The following SPATA16 variants were observed in gnomAD, a reference collection of about 807,000 sequenced individuals.
The protein encoded by SPATA16 is spermatogenesis associated 16.
SPATA16 carries 36 observed loss-of-function variants against 63.3 expected under a neutral mutation model. That is an observed-to-expected ratio of 0.57 (90% CI 0.44 to 0.75). The LOEUF (loss-of-function observed/expected upper bound fraction) is 0.75. SPATA16 is among the 30% of genes least tolerant of loss of function. The pLI is 0.00. For missense variants in SPATA16, 646 were observed against 679.3 expected (o/e 0.95, Z 0.54); for synonymous variants, 203 against 216.7 (o/e 0.94, Z 0.56).
chr3:172,991,293 C>T (rs1734571854), intron 4 of SPATA16, among the ~76,000 whole-genome samples: 1 of 152,158 alleles, frequency 6.6e-6, no homozygotes, highest in Admixed American at 6.6e-5. Flanking sequence ...ATGAAGAGAA[C>T]AATATATCCT....
At chr3:172,921,051 G>C (rs1442584538) in intron 8 of SPATA16, among the ~76,000 whole-genome samples, 1 of 144,884 alleles carries the variant, frequency 6.9e-6, no homozygotes, top group South Asian at 2.1e-4. Context: ...CACTTTTTTT[G>C]TTTTTGTCTT....
chr3:173,055,523 A>C (rs1417962257), intron 2 of SPATA16, among the ~76,000 whole-genome samples: 1 of 152,228 alleles, frequency 6.6e-6, no homozygotes, highest in East Asian at 1.9e-4. Flanking sequence ...ATCTGATCTC[A>C]AACTGTTACA....
At chr3:172,976,033 G>C (rs1380653312) in intron 5 of SPATA16, among the ~76,000 whole-genome samples, 2 of 151,998 alleles carry the variant, frequency 1.3e-5, no homozygotes, top group Admixed American at 1.3e-4. Flanking sequence ...CAAAAGGTTC[G>C]TATTCAATTA....
chr3:173,045,480 C>T (rs960563360), intron 3 of SPATA16, among the ~76,000 whole-genome samples: 10 of 152,000 alleles, frequency 6.6e-5, no homozygotes, highest in Non-Finnish European at 1.3e-4. Context: ...AACTGTGTCA[C>T]GGTTAGAATA....
At chr3:173,048,154 G>A (rs1735999060) in intron 3 of SPATA16, among the ~76,000 whole-genome samples, 1 of 152,006 alleles carries the variant, frequency 6.6e-6, no homozygotes, top group African/African-American at 2.4e-5. Flanking sequence ...AGAAGTACAG[G>A]ATGTGAGATG....
chr3:173,047,557 A>G (rs1735985296), intron 3 of SPATA16, among the ~76,000 whole-genome samples: 1 of 151,948 alleles, frequency 6.6e-6, no homozygotes, highest in Non-Finnish European at 1.5e-5. Flanking sequence ...TTACTTATTT[A>G]TGTTCTTTGC....
At chr3:173,030,938 G>A (rs1735590537) in intron 3 of SPATA16, among the ~76,000 whole-genome samples, 1 of 151,994 alleles carries the variant, frequency 6.6e-6, no homozygotes, top group African/African-American at 2.4e-5. Context: ...CAACATGAAT[G>A]CACTTCAGAC....
chr3:173,070,550 C>T (rs1736648862), intron 2 of SPATA16, among the ~76,000 whole-genome samples: 3 of 152,102 alleles, frequency 2.0e-5, no homozygotes, highest in Admixed American at 2.0e-4. Context: ...GTGATACAAT[C>T]TTACATTTAG....
At chr3:172,933,139 C>T (rs1732907191) in intron 6 of SPATA16, among the ~76,000 whole-genome samples, 1 of 152,160 alleles carries the variant, frequency 6.6e-6, no homozygotes, top group Non-Finnish European at 1.5e-5. Flanking sequence ...AGAGACAATA[C>T]AAACATTAAA....
intron 10 of SPATA16, among the ~76,000 whole-genome samples, chr3:172,908,569 A>G (rs1732293165): frequency 6.6e-6 from 1 of 152,254 alleles, no homozygotes; most frequent in African/African-American, 2.4e-5. Context: ...GTCAGCTTTC[A>G]TGAATCAGAT....
chr3:173,002,519 T>TCTAGCTG (rs1734848933), intron 4 of SPATA16, among the ~76,000 whole-genome samples: 1 of 152,178 alleles, frequency 6.6e-6, no homozygotes, highest in Non-Finnish European at 1.5e-5. Flanking sequence ...AGTAAGAAAG[T>TCTAGCTG]CTTCCTTGGG....
chr3:172,977,528 TAAA>T (rs1173724530), intron 4 of SPATA16, among the ~76,000 whole-genome samples: 1 of 152,056 alleles, frequency 6.6e-6, no homozygotes, highest in Non-Finnish European at 1.5e-5. Context: ...AAACAGAAAA[TAAA>T]AAAATCTCCA....
At position 172,925,358 on chromosome 3, in the gene SPATA16, G is replaced by A. The variant is rs780678594; in HGVS notation, c.1216C>T (p.Pro406Ser). 8.1e-6 allele frequency: 13 copies of A among 1,613,694 alleles called. No individual in the cohort carries two copies. The South Asian group carries it at 1.4e-4, about 18-fold the overall frequency. ...TCAGATGATTTACCTGTGAATATCG[G>A]CAGCTTCCTGCTTGATATTTTTTCC... The part of the protein sequence containing the change: ...FLEKISSRKL[P>S]IFTEHKTPFG... The change falls in exon 7 of 11, where the codon CCG becomes TCG. Residue 406 changes from proline (P) to serine (S), a missense_variant. Coordinates refer to ENST00000351008, the MANE Select transcript of SPATA16 (RefSeq NM_031955.6).
At chr3:172,984,510 G>A (rs1499623) in intron 4 of SPATA16, among the ~76,000 whole-genome samples, 5,811 of 152,240 alleles carry the variant, frequency 0.038, 383 homozygotes, top group African/African-American at 0.13. Flanking sequence ...AGGAGTTTCA[G>A]TAGTTGGTGG....
Position 173,117,154 on chromosome 3 carries a change from G to T in SPATA16, c.578C>A (p.Ala193Asp), listed in dbSNP as rs1385805624. ...ASSCYRQKKY[A>D]LAAGQFRTAL... ...TGTTCTGAACTGTCCTGCTGCCAAG[G>T]CGTATTTCTTTTGTCTATAGCAAGA... The change falls in exon 2 of 11, where the codon GCC becomes GAC. Residue 193 changes from alanine to aspartate, a missense_variant. Ala to Asp is a moderately radical substitution (Grantham distance 126, BLOSUM62 -2). Transcript: ENST00000351008. 1 of 1,614,026 alleles carries T rather than the reference G, an allele frequency of 6.2e-7. No homozygotes were observed. Among genetic ancestry groups the T allele is most frequent in the Admixed American group, 1.7e-5 (1 of 60,014 alleles).
intron 6 of SPATA16, among the ~76,000 whole-genome samples, chr3:172,930,743 GA>G (rs569897922): frequency 1.9e-3 from 286 of 151,940 alleles, no homozygotes; most frequent in Admixed American, 5.0e-3. Context: ...ATTTTTAGTA[GA>G]GATGGGGTTA....
chr3:173,081,521 C>T (rs936340589), intron 2 of SPATA16, among the ~76,000 whole-genome samples: 3 of 152,046 alleles, frequency 2.0e-5, no homozygotes, highest in Non-Finnish European at 4.4e-5. Flanking sequence ...TCCATTGAAT[C>T]GTTAAAGAGG....
intron 2 of SPATA16, among the ~76,000 whole-genome samples, chr3:173,109,948 T>A (rs1737709026): frequency 6.6e-6 from 1 of 152,218 alleles, no homozygotes; most frequent in Non-Finnish European, 1.5e-5. Context: ...TTCTAGAGAT[T>A]TGTATTATTT....
chr3:172,952,539 A>G (rs1265155467), intron 6 of SPATA16, among the ~76,000 whole-genome samples: 2 of 152,154 alleles, frequency 1.3e-5, no homozygotes, highest in Non-Finnish European at 2.9e-5. Context: ...CCTGGAAGTG[A>G]CATATATCAC....
Sources: gnomAD v4.1 joint callset for allele counts (sites outside exome capture counted in the v4.1 genomes callset) on GRCh38, gnomAD v4.1.1 for gene constraint, MANE v1.5 for transcripts, NCBI Gene and HGNC (gene_info 2026-07-23, HGNC 2026-07-21) for gene names.